TRAFD1: variants seen among roughly 807,000 people sequenced by gnomAD.
The protein encoded by TRAFD1 is TRAF-type zinc finger domain containing 1.
Under a neutral mutation model 65.3 loss-of-function variants are expected in TRAFD1, and 38 were observed. The observed-to-expected ratio is 0.58, with a 90% CI of 0.45 to 0.76. The LOEUF is 0.76. TRAFD1 is among the 30% of genes least tolerant of loss of function. The pLI is 0.00. For missense variants in TRAFD1, 631 were observed against 712.6 expected, an observed-to-expected ratio of 0.89 and a Z score of 1.30; for synonymous variants, 223 against 257.2, an observed-to-expected ratio of 0.87 and a Z score of 1.27.
chr12:112,141,970 G>C lies in TRAFD1; in HGVS notation c.644-119G>C, dbSNP rs955638270. The C allele has an allele frequency of 5.4e-6, 6 of 1,111,042 alleles. No individual in the cohort carries two copies. In the African/African-American group the frequency reaches 9.5e-5, roughly 18 times the overall value. The allele number at this position is 1,111,042 out of a possible 1,614,324, so 68.8% of individuals were successfully genotyped here. A position where few individuals can be genotyped will look rare whatever the true frequency, so the allele number is the denominator to read the frequency against. On this transcript the variant is annotated intron_variant, in intron 5 of 11. Coordinates refer to ENST00000412615, the MANE Select transcript of TRAFD1 (RefSeq NM_006700.3). ...GGGTGAAGAGAGCTAGTTGAACATG[G>C]TCATTTTTATTCCTTCCCGGATGCC...
intron 4 of TRAFD1, chr12:112,140,165 A>T (rs1282561208): frequency 6.0e-6 from 2 of 331,928 alleles, no homozygotes; most frequent in Non-Finnish European, 1.2e-5. Context: ...TCAAGCCTGT[A>T]ATCCCAGCAC....
In TRAFD1 at chr12:112,134,317, T is replaced by G. The variant is rs1465081927; in HGVS notation, c.48-421T>G. 5.7e-5 allele frequency among the ~76,000 whole-genome samples: 8 copies of G among 140,302 alleles called. No individual in the cohort carries two copies. The East Asian group carries it at 1.7e-3, about 30-fold the overall frequency. The allele number at this position is 140,302 out of a possible 152,430, so 92.0% of individuals were successfully genotyped here. A position where few individuals can be genotyped will look rare whatever the true frequency, so the allele number is the denominator to read the frequency against. On this transcript the variant is annotated intron_variant, in intron 2 of 11. Coordinates refer to ENST00000412615, the MANE Select transcript of TRAFD1 (RefSeq NM_006700.3). ...GAGCCACGGCGCCCGGCCAGTTTTT[T>G]TTTTTTTTTTTTATAGCAACCTCTG... is the stretch of plus-strand genomic sequence containing the variant.
chr12:112,150,618 C>T (rs1743209201), intron 9 of TRAFD1, among the ~76,000 whole-genome samples: 1 of 151,788 alleles, frequency 6.6e-6, no homozygotes, highest in Non-Finnish European at 1.5e-5. Context: ...AGTGCAGTGG[C>T]GTGATCACTG....
intron 2 of TRAFD1, among the ~76,000 whole-genome samples, chr12:112,132,866 G>A (rs1190510972): frequency 6.6e-6 from 1 of 152,204 alleles, no homozygotes; most frequent in Non-Finnish European, 1.5e-5. Flanking sequence ...TTCAGCTTCA[G>A]AGGCAAAATA....
Position 112,137,967 on chromosome 12 carries a change from T to A in TRAFD1, c.238-2852T>A, listed in dbSNP as rs1701215966. On this transcript the variant is annotated intron_variant, in intron 4 of 11. Coordinates refer to ENST00000412615, the MANE Select transcript of TRAFD1 (RefSeq NM_006700.3). This position sits in a 1 kb window ranked among gnomAD's most constrained non-coding sequence, Gnocchi z 4.2. ...CCCTTAAAGGTAATTCACAGCGGGC[T>A]ACAGTGACTCATGCCTGTATCCTAG... Among the ~76,000 whole-genome samples, 1 of 151,830 alleles carries A rather than the reference T, an allele frequency of 6.6e-6. No homozygotes were observed. Among genetic ancestry groups the A allele is most frequent in the Non-Finnish European group, 1.5e-5 (1 of 67,934 alleles).
chr12:112,138,982 T>C (rs572699792), intron 4 of TRAFD1, among the ~76,000 whole-genome samples: 2 of 151,836 alleles, frequency 1.3e-5, no homozygotes, highest in East Asian at 3.9e-4. Flanking sequence ...AAAAAGGCCT[T>C]AGGTAGCAGA....
intron 8 of TRAFD1, among the ~76,000 whole-genome samples, chr12:112,149,087 G>A (rs1313095623): frequency 2.0e-5 from 3 of 151,768 alleles, no homozygotes; most frequent in African/African-American, 7.3e-5. Context: ...ATGTGGTGGC[G>A]GGCACCTGTA....
In TRAFD1 at chr12:112,141,000, A is replaced by G; in HGVS notation, c.419A>G (p.Glu140Gly). The G allele has an allele frequency of 6.2e-7, 1 of 1,614,132 alleles. No individual in the cohort carries two copies. Among genetic ancestry groups the G allele is most frequent in the South Asian group, 1.1e-5 (1 of 91,080 alleles). Residue 140 changes from glutamate (E) to glycine (G), a missense_variant, in exon 5 of 12, where the codon GAG becomes GGG. Coordinates refer to ENST00000412615, the MANE Select transcript of TRAFD1 (RefSeq NM_006700.3). ...THPEVCGREGEEKRNEVAIPP... is the reference protein window; with the variant it reads ...THPEVCGREGGEKRNEVAIPP... ...CCTGAAGTTTGTGGGAGAGAGGGGG[A>G]GGAAAAGAGAAATGAGGTTGCCATA...
rs939070350 is a variant in TRAFD1 at position 112,135,187 on chromosome 12, C to G, written c.237+121C>G. 6.0e-6 allele frequency: 7 copies of G among 1,173,682 alleles called. No homozygotes were observed. In the African/African-American group the frequency reaches 9.1e-5, roughly 15 times the overall value. 72.7% of individuals were successfully genotyped at this position (1,173,682 alleles called of 1,614,324 possible). On this transcript the variant is annotated intron_variant, in intron 4 of 11. Transcript: ENST00000412615. ...CCGTGAGCTCACATGCATACTGTTT[C>G]TCAAAGCCTGTTTGAGGCCTTGACT...
intron 6 of TRAFD1, among the ~76,000 whole-genome samples, chr12:112,142,590 C>T (rs1309269128): frequency 6.6e-6 from 1 of 150,858 alleles, no homozygotes; most frequent in Non-Finnish European, 1.5e-5. Context: ...GCAGAGGTTG[C>T]AGTCAGCTGA....
Position 112,141,312 on chromosome 12 carries a change from A to G in TRAFD1, c.643+88A>G, listed in dbSNP as rs117511847. 3,289 of 1,486,360 alleles carry G rather than the reference A, an allele frequency of 2.2e-3. 7 individuals carry two copies. The highest frequency in any genetic ancestry group is 2.8e-3 in the Non-Finnish European group (3,041 of 1,102,094). 92.1% of individuals were successfully genotyped at this position (1,486,360 alleles called of 1,614,324 possible). ...GGGCTTTGGGGCCAGATAGATCTTG[A>G]TTATAGAAACCCGACTGTAGCTGAG... On this transcript the variant is annotated intron_variant, in intron 5 of 11. Transcript: ENST00000412615.
rs1399798254 is a variant in TRAFD1 at position 112,145,762 on chromosome 12, A to G, written c.927+100A>G. 9.8e-6 allele frequency: 10 copies of G among 1,018,526 alleles called. No individual in the cohort carries two copies. The East Asian group carries it at 2.2e-4, about 22-fold the overall frequency. 63.1% of individuals were successfully genotyped at this position (1,018,526 alleles called of 1,614,324 possible). Reference sequence around the variant, plus strand: ...GCCTTGAACAAATCATTTTAATACAATGCCCATAGTAGGAATAGCAAGTGT... The same window carrying G: ...GCCTTGAACAAATCATTTTAATACAGTGCCCATAGTAGGAATAGCAAGTGT... On this transcript the variant is annotated intron_variant, in intron 7 of 11. Transcript: ENST00000412615.
intron 6 of TRAFD1, among the ~76,000 whole-genome samples, chr12:112,143,842 C>T (rs1295086337): frequency 1.3e-5 from 2 of 151,082 alleles, no homozygotes; most frequent in Admixed American, 1.3e-4. Flanking sequence ...AAGTGATCCT[C>T]CCACTTCAGT....
At position 112,148,195 on chromosome 12, in the gene TRAFD1, T is replaced by C; in HGVS notation, c.1049T>C (p.Leu350Ser). 3.1e-6 allele frequency: 5 copies of C among 1,614,212 alleles called. No individual in the cohort carries two copies. Among genetic ancestry groups the C allele is most frequent in the Non-Finnish European group, 4.2e-6 (5 of 1,180,032 alleles). Residue 350 changes from leucine (L) to serine (S), a missense_variant, in exon 8 of 12, where the codon TTA becomes TCA. Leu to Ser is a moderately radical substitution (Grantham distance 145). Coordinates refer to ENST00000412615, the MANE Select transcript of TRAFD1 (RefSeq NM_006700.3). ...TTGCAACAGGCTGCAAGTAACCAGT[T>C]AGACTCTTTGATGGGCCTGAGCAAT... is the stretch of plus-strand genomic sequence containing the variant. ...NFLQQAASNQLDSLMGLSNSH... is the reference protein window; with the variant it reads ...NFLQQAASNQSDSLMGLSNSH...
At chr12:112,126,995 C>A (rs1375514818) in intron 1 of TRAFD1, among the ~76,000 whole-genome samples, 1 of 152,154 alleles carries the variant, frequency 6.6e-6, no homozygotes, top group African/African-American at 2.4e-5. Flanking sequence ...TAGTTTAAAG[C>A]CCTTCAGTGG....
intron 6 of TRAFD1, among the ~76,000 whole-genome samples, chr12:112,144,672 G>A (rs1299193693): frequency 6.6e-6 from 1 of 152,164 alleles, no homozygotes; most frequent in Non-Finnish European, 1.5e-5. Flanking sequence ...TTTGAGCCAA[G>A]GAGTTCAAGA....
chr12:112,140,942 C>T lies in TRAFD1; in HGVS notation c.361C>T (p.Arg121Cys), dbSNP rs758289708. 2.2e-5 allele frequency: 35 copies of T among 1,614,062 alleles called. 1 individual carries two copies. In the South Asian group the frequency reaches 3.6e-4, roughly 17 times the overall value. The change falls in exon 5 of 12, where the codon CGC (arginine) becomes TGC (cysteine). Residue 121 changes from arginine (R) to cysteine (C), a missense_variant. Coordinates refer to ENST00000412615, the MANE Select transcript of TRAFD1 (RefSeq NM_006700.3). ...GACGGAACTATGTGGCAACTGTGGT[C>T]GCAATGTCCTTGTGAAAGATCTGAA... The part of the protein sequence containing the change: ...ARTELCGNCG[R>C]NVLVKDLKTH...
chr12:112,130,367 A>G lies in TRAFD1; in HGVS notation c.-12-144A>G. The G allele has an allele frequency of 2.1e-6, 1 of 480,266 alleles. No individual in the cohort carries two copies. The highest frequency in any genetic ancestry group is 3.7e-6 in the Non-Finnish European group (1 of 270,174). 29.8% of individuals were successfully genotyped at this position (480,266 alleles called of 1,614,324 possible). A position where few individuals can be genotyped will look rare whatever the true frequency, so the allele number is the denominator to read the frequency against. ...GAAAATTTTAAAATAAGAAAATCCC[A>G]AGGGACTGGATATTGAATAAAATGC... On this transcript the variant is annotated intron_variant, in intron 1 of 11. Coordinates refer to ENST00000412615, the MANE Select transcript of TRAFD1 (RefSeq NM_006700.3). The surrounding 1 kb of genome is among the most constrained non-coding windows in gnomAD (Gnocchi z 4.4).
Position 112,143,468 on chromosome 12 carries a change from ACCT to A in TRAFD1, c.850+1174_850+1176del, listed in dbSNP as rs34452506. ...TCAAACTCTTGATGTCAGGTGATCC[ACCT>A]GCCTCAGCCTCCCAAAGTGCTGGGA... On this transcript the variant is annotated intron_variant, in intron 6 of 11. Transcript: ENST00000412615. 0.055 allele frequency among the ~76,000 whole-genome samples: 8,339 copies of A among 150,518 alleles called. 1,253 individuals carry two copies. In the East Asian group the frequency reaches 0.61, roughly 11 times the overall value.
Sources: gnomAD v4.1 joint callset for allele counts (sites outside exome capture counted in the v4.1 genomes callset) on GRCh38, gnomAD v4.1.1 for gene constraint, Gnocchi (gnomAD v3.1) non-coding constraint, MANE v1.5 for transcripts, NCBI Gene and HGNC (gene_info 2026-07-23, HGNC 2026-07-21) for gene names.